CLMP: variants seen among roughly 807,000 people sequenced by gnomAD.
The protein encoded by CLMP is CXADR-like membrane protein.
Under a neutral mutation model 45.2 loss-of-function variants are expected in CLMP, and 27 were observed. The ratio of observed to expected loss-of-function variants is 0.60; its 90% CI spans 0.44 to 0.82. The LOEUF (loss-of-function observed/expected upper bound fraction) is 0.82, where lower values mean the gene tolerates loss of function less well. Among genes scored for constraint, CLMP ranks in the 40% least tolerant of loss-of-function variants. CLMP has a pLI of 0.00. For synonymous variants in CLMP, 167 were observed against 171.4 expected, an observed-to-expected ratio of 0.97 and a Z score of 0.20; for missense variants, 403 against 448.4, an observed-to-expected ratio of 0.90 and a Z score of 0.91.
rs192589557 is a variant in CLMP, at chr11:123,072,914, T to C, written c.*560A>G. On this transcript the variant is annotated 3_prime_UTR_variant, in exon 7 of 7. Transcript: ENST00000448775. ...CCTTGAAATTAATATCCAAACCTTA[T>C]GACAAATGAAGTTAAGTCAGAATAG... The C allele has an allele frequency of 1.3e-5, 2 of 152,408 alleles. No individual in the cohort carries two copies. Among genetic ancestry groups the C allele is most frequent in the African/African-American group, 4.8e-5 (2 of 41,470 alleles). 9.4% of individuals were successfully genotyped at this position (152,408 alleles called of 1,614,324 possible).
At chr11:123,181,606 C>G (rs367717608) in intron 1 of CLMP, among the ~76,000 whole-genome samples, 3 of 152,194 alleles carry the variant, frequency 2.0e-5, no homozygotes, top group Non-Finnish European at 4.4e-5. Flanking sequence ...ACCAGGCTCT[C>G]GGGTCTTGTA....
At chr11:123,169,785 G>A (rs1861604690) in intron 1 of CLMP, among the ~76,000 whole-genome samples, 1 of 152,182 alleles carries the variant, frequency 6.6e-6, no homozygotes, top group Non-Finnish European at 1.5e-5. Context: ...ATGTACATTG[G>A]TTTGGTCCAG....
chr11:123,136,477 G>T, intron 1 of CLMP: 3 of 356,792 alleles, frequency 8.4e-6, no homozygotes, highest in South Asian at 3.4e-5. Context: ...GCGCTTTAAG[G>T]GCCGCTCTAG....
At chr11:123,160,228 C>T (rs1487206289) in intron 1 of CLMP, among the ~76,000 whole-genome samples, 2 of 114,294 alleles carry the variant, frequency 1.7e-5, no homozygotes, top group Non-Finnish European at 3.2e-5. Flanking sequence ...TGCAGTGAGC[C>T]AAGATTGCAC....
chr11:123,189,332 T>C (rs1427536587), intron 1 of CLMP, among the ~76,000 whole-genome samples: 2 of 152,178 alleles, frequency 1.3e-5, no homozygotes, highest in Non-Finnish European at 2.9e-5. Flanking sequence ...GAATCCAAAG[T>C]CCTGGGTTGG....
chr11:123,098,738 G>A (rs573588936), intron 1 of CLMP, among the ~76,000 whole-genome samples: 22 of 128,890 alleles, frequency 1.7e-4, no homozygotes, highest in Admixed American at 1.8e-4. Context: ...ATAGAGTCTC[G>A]CTCTGTCACC....
Position 123,194,933 on chromosome 11 carries a change from A to G in CLMP, c.8T>C (p.Leu3Pro). 2 of 1,612,896 alleles carry G rather than the reference A, an allele frequency of 1.2e-6. No homozygotes were observed. The highest frequency in any genetic ancestry group is 1.7e-6 in the Non-Finnish European group (2 of 1,179,418). ...CTCACCTAGCAAGAGGAGAAGGAGG[A>G]GGGACATCCCGATCCCCGGACGCGG... MS[L>P]LLLLLLVSYY... Residue 3 changes from leucine to proline, a missense_variant, in exon 1 of 7, where the codon CTC becomes CCC. Coordinates refer to ENST00000448775, the MANE Select transcript of CLMP (RefSeq NM_024769.5).
chr11:123,101,417 T>C (rs1866058291), intron 1 of CLMP, among the ~76,000 whole-genome samples: 1 of 152,232 alleles, frequency 6.6e-6, no homozygotes, highest in African/African-American at 2.4e-5. Flanking sequence ...TCCCTGTTTA[T>C]TTTCTAATTC....
chr11:123,089,242 G>A (rs1365895396), intron 2 of CLMP, among the ~76,000 whole-genome samples: 1 of 151,792 alleles, frequency 6.6e-6, no homozygotes, highest in Non-Finnish European at 1.5e-5. Context: ...AAAATTAGCC[G>A]GGCATGGTGG....
intron 1 of CLMP, among the ~76,000 whole-genome samples, chr11:123,113,978 T>C (rs376882610): frequency 6.6e-6 from 1 of 152,142 alleles, no homozygotes; most frequent in Non-Finnish European, 1.5e-5. Flanking sequence ...CAGGCAAGAA[T>C]GTATGCTTTT....
intron 2 of CLMP, among the ~76,000 whole-genome samples, chr11:123,086,739 G>A (rs1865869298): frequency 6.6e-6 from 1 of 152,210 alleles, no homozygotes; most frequent in Admixed American, 6.5e-5. Flanking sequence ...GGGGCCAGAT[G>A]CGTGGTGGTT....
intron 1 of CLMP, among the ~76,000 whole-genome samples, chr11:123,146,108 T>C (rs1281739185): frequency 6.6e-6 from 1 of 152,200 alleles, no homozygotes; most frequent in Non-Finnish European, 1.5e-5. Flanking sequence ...AAAGATCAAG[T>C]AACTTGCATC....
intron 1 of CLMP, among the ~76,000 whole-genome samples, chr11:123,132,436 A>AT (rs1861003781): frequency 6.6e-6 from 1 of 150,962 alleles, no homozygotes; most frequent in African/African-American, 2.4e-5. Context: ...TTTTTCTCTT[A>AT]TTTTTGTCTC....
intron 1 of CLMP, among the ~76,000 whole-genome samples, chr11:123,114,662 C>A (rs11218991): frequency 0.019 from 2,851 of 152,110 alleles, 71 homozygotes; most frequent in East Asian, 0.13. Flanking sequence ...ACAGATAGTA[C>A]AAATTTGGCA....
chr11:123,182,217 T>C (rs1444721805), intron 1 of CLMP, among the ~76,000 whole-genome samples: 1 of 152,194 alleles, frequency 6.6e-6, no homozygotes, highest in East Asian at 1.9e-4. Context: ...CTGACCCAAG[T>C]TTGCTTTGAG....
chr11:123,071,566 C>T lies in CLMP; in HGVS notation c.*1908G>A, dbSNP rs565714476. On this transcript the variant is annotated 3_prime_UTR_variant, in exon 7 of 7. Transcript: ENST00000448775. ...TGGAGAAACCCTGTCTCTATCAGAA[C>T]TCCAAAAATTAGCTGGGTGTGATGG... The T allele has an allele frequency of 1.3e-5, 2 of 152,200 alleles. No individual in the cohort carries two copies. Among genetic ancestry groups the T allele is most frequent in the Admixed American group, 6.5e-5 (1 of 15,274 alleles). The allele number at this position is 152,200 out of a possible 1,614,324, so 9.4% of individuals were successfully genotyped here.
At chr11:123,191,807 T>A (rs1861911570) in intron 1 of CLMP, among the ~76,000 whole-genome samples, 1 of 152,234 alleles carries the variant, frequency 6.6e-6, no homozygotes, top group East Asian at 1.9e-4. Flanking sequence ...CAAGTGTTTA[T>A]GCAAGGTACT....
At chr11:123,106,826 C>T (rs575511363) in intron 1 of CLMP, among the ~76,000 whole-genome samples, 26 of 151,986 alleles carry the variant, frequency 1.7e-4, no homozygotes, top group Admixed American at 5.9e-4. Flanking sequence ...CGAGACCATC[C>T]TGGCTAACAC....
intron 1 of CLMP, among the ~76,000 whole-genome samples, chr11:123,109,358 ATT>A (rs1860606586): frequency 6.6e-6 from 1 of 151,900 alleles, no homozygotes; most frequent in Admixed American, 6.6e-5. Flanking sequence ...AAATGTTATC[ATT>A]TGTTATCGAT....
Sources: allele counts gnomAD v4.1 joint callset (sites outside exome capture counted in the v4.1 genomes callset), GRCh38; gene constraint gnomAD v4.1.1; transcripts MANE v1.5; gene names NCBI Gene and HGNC (gene_info 2026-07-23, HGNC 2026-07-21).